Variants in CDC5L observed in about 807,000 individuals in gnomAD.
CDC5L encodes cell division cycle 5 like, also known as cell division cycle 5-like protein.
CDC5L carries 18 observed loss-of-function variants against 104.1 expected under a neutral mutation model. That is an observed-to-expected ratio of 0.17 (90% CI 0.12 to 0.26). CDC5L has a LOEUF of 0.26. Ranked by LOEUF, CDC5L falls within the 10% of genes least tolerant of loss-of-function variation. The pLI is 1.00. For synonymous variants in CDC5L, 331 were observed against 322.7 expected (o/e 1.03, Z -0.28); for missense variants, 673 against 956.9 (o/e 0.70, Z 3.91).
At chr6:44,437,772 T>C (rs187011637) in intron 14 of CDC5L, among the ~76,000 whole-genome samples, 42 of 152,362 alleles carry the variant, frequency 2.8e-4, no homozygotes, top group Admixed American at 2.3e-3. Context: ...GGAAATGGAC[T>C]ATCCATGGAG....
intron 8 of CDC5L, 89 bp from the exon 9 acceptor site, chr6:44,419,360 T>A: frequency 8.3e-7 from 1 of 1,198,662 alleles, no homozygotes; most frequent in Admixed American, 2.2e-5. Flanking sequence ...GGATTCTGCC[T>A]GCTTCAAGAT....
At chr6:44,402,266 CA>C (rs1791165454) in intron 5 of CDC5L, among the ~76,000 whole-genome samples, 1 of 151,036 alleles carries the variant, frequency 6.6e-6, no homozygotes, top group Non-Finnish European at 1.5e-5. Context: ...TTTACAGTCC[CA>C]CCAACAGTGT....
chr6:44,390,693 CTTT>C, intron 2 of CDC5L, among the ~76,000 whole-genome samples: 1 of 152,226 alleles, frequency 6.6e-6, no homozygotes, highest in Non-Finnish European at 1.5e-5. Flanking sequence ...ACAAAGTCTA[CTTT>C]CAGGGACAGA....
chr6:44,433,970 T>A (rs1190217460), intron 14 of CDC5L, among the ~76,000 whole-genome samples: 1 of 152,174 alleles, frequency 6.6e-6, no homozygotes, highest in African/African-American at 2.4e-5. Context: ...TATCAGCAGG[T>A]TTATGCTTAT....
chr6:44,416,643 C>T (rs1334660760), intron 8 of CDC5L, among the ~76,000 whole-genome samples: 1 of 152,192 alleles, frequency 6.6e-6, no homozygotes, highest in Non-Finnish European at 1.5e-5. Context: ...AGTGTAACCA[C>T]GTCAACAAAG....
chr6:44,408,057 C>G (rs757012404), intron 7 of CDC5L, among the ~76,000 whole-genome samples: 3 of 152,108 alleles, frequency 2.0e-5, no homozygotes, highest in Non-Finnish European at 4.4e-5. Flanking sequence ...TATAGAGATA[C>G]AGCCTTTGTA....
intron 9 of CDC5L, among the ~76,000 whole-genome samples, chr6:44,422,121 C>G (rs1167301575): frequency 6.6e-6 from 1 of 152,188 alleles, no homozygotes; most frequent in Non-Finnish European, 1.5e-5. Flanking sequence ...CACTCAGGAA[C>G]TTACTCATGT....
At chr6:44,389,301 A>G (rs1379672130) in intron 1 of CDC5L, among the ~76,000 whole-genome samples, 2 of 152,176 alleles carry the variant, frequency 1.3e-5, no homozygotes, top group Non-Finnish European at 1.5e-5. Flanking sequence ...TGAGGGAGAG[A>G]CAGATATAAA....
intron 14 of CDC5L, among the ~76,000 whole-genome samples, chr6:44,442,911 G>A (rs954458276): frequency 6.6e-6 from 1 of 152,092 alleles, no homozygotes; most frequent in Non-Finnish European, 1.5e-5. Flanking sequence ...TGTAATGCAG[G>A]TCTAGTGGTG....
rs1791483228 is a variant in CDC5L, at chr6:44,408,558, G to C, written c.1018G>C (p.Glu340Gln). 1.9e-6 allele frequency: 3 copies of C among 1,613,966 alleles called. No individual in the cohort carries two copies. The highest frequency in any genetic ancestry group is 2.5e-6 in the Non-Finnish European group (3 of 1,179,862). The change falls in exon 8 of 16, where the codon GAG becomes CAG. Residue 340 changes from glutamate to glutamine, a missense_variant. Glu to Gln is a conservative substitution (Grantham distance 29, BLOSUM62 2). Transcript: ENST00000371477. The part of the protein sequence containing the change: ...TNSASSTLLS[E>Q]YNVTNNSVAL... Reference sequence around the variant, plus strand: ...TTCTGCTTCCAGTACACTTTTGTCTGAGTACAATGTCACCAACAACAGCGT... The same window carrying C: ...TTCTGCTTCCAGTACACTTTTGTCTCAGTACAATGTCACCAACAACAGCGT...
chr6:44,407,241 C>T (rs1581647868), intron 7 of CDC5L, among the ~76,000 whole-genome samples: 1 of 151,770 alleles, frequency 6.6e-6, no homozygotes, highest in Admixed American at 6.6e-5. Context: ...TGGAGAAAAG[C>T]GATACAAACA....
chr6:44,429,326 C>A (rs571585827), intron 13 of CDC5L, among the ~76,000 whole-genome samples: 1 of 152,180 alleles, frequency 6.6e-6, no homozygotes, highest in Admixed American at 6.5e-5. Context: ...GGCCAAATTT[C>A]ATTAGCTTTT....
At chr6:44,389,046 G>A (rs1790481682) in intron 1 of CDC5L, among the ~76,000 whole-genome samples, 1 of 152,130 alleles carries the variant, frequency 6.6e-6, no homozygotes, top group Non-Finnish European at 1.5e-5. Flanking sequence ...CACCTCACCA[G>A]ACAGCATGGC....
At chr6:44,421,200 C>G (rs143379843) in intron 9 of CDC5L, among the ~76,000 whole-genome samples, 2 of 152,156 alleles carry the variant, frequency 1.3e-5, no homozygotes, top group African/African-American at 4.8e-5. Context: ...TAATGCATTT[C>G]GAAGTAACTT....
intron 8 of CDC5L, among the ~76,000 whole-genome samples, chr6:44,412,602 GT>G (rs34931855): frequency 1.3e-4 from 19 of 148,270 alleles, no homozygotes; most frequent in Admixed American, 3.4e-4. Context: ...AAAAAAAATA[GT>G]TTTTTTTTTA....
At chr6:44,430,496 TG>T (rs1441455639) in intron 14 of CDC5L, among the ~76,000 whole-genome samples, 1 of 150,372 alleles carries the variant, frequency 6.7e-6, no homozygotes, top group Non-Finnish European at 1.5e-5. Context: ...TTGCATATTT[TG>T]AATTCCAGAA....
intron 5 of CDC5L, among the ~76,000 whole-genome samples, chr6:44,401,202 G>T (rs1322866802): frequency 2.0e-5 from 3 of 152,150 alleles, no homozygotes; most frequent in Non-Finnish European, 4.4e-5. Flanking sequence ...CTTCCCCAGG[G>T]CTCTGACAGG....
chr6:44,419,410 A>T (rs754652880), intron 8 of CDC5L, 39 bp from the exon 9 acceptor site: 4 of 1,607,628 alleles, frequency 2.5e-6, no homozygotes, highest in Non-Finnish European at 3.4e-6. Context: ...AAGTCTGTCT[A>T]AACTTTTAAA....
chr6:44,396,495 C>A, intron 5 of CDC5L, 55 bp downstream of exon 5: 3 of 1,086,242 alleles, frequency 2.8e-6, no homozygotes, highest in Non-Finnish European at 4.1e-6. Context: ...TAACAATCAA[C>A]ACAGAATACT....
Sources: gnomAD v4.1 joint callset for allele counts (sites outside exome capture counted in the v4.1 genomes callset) on GRCh38, gnomAD v4.1.1 for gene constraint, MANE v1.5 for transcripts, NCBI Gene and HGNC (gene_info 2026-07-23, HGNC 2026-07-21) for gene names.